Variants in GLB1 observed in about 807,000 individuals in gnomAD.
GLB1 encodes galactosidase beta 1, also known as beta-galactosidase.
GLB1 carries 56 observed loss-of-function variants against 74.0 expected under a neutral mutation model. The ratio of observed to expected loss-of-function variants is 0.76; its 90% CI spans 0.61 to 0.94. The LOEUF (loss-of-function observed/expected upper bound fraction) is 0.94. GLB1 is among the 40% of genes least tolerant of loss of function. The pLI is 0.00. For synonymous variants in GLB1, 323 were observed against 323.6 expected (o/e 1.00, Z 0.02); for missense variants, 787 against 845.5 (o/e 0.93, Z 0.86).
At chr3:33,068,795 T>C (rs1276546723) in intron 3 of GLB1, 25 bp downstream of exon 3, 1 of 1,613,048 alleles carries the variant, frequency 6.2e-7, no homozygotes, top group African/African-American at 1.3e-5. Context: ...ACACACCAGG[T>C]AGAGCCCAGT....
intron 5 of GLB1, among the ~76,000 whole-genome samples, chr3:33,059,258 C>T (rs879638032): frequency 2.1e-3 from 187 of 91,108 alleles, no homozygotes; most frequent in Admixed American, 6.4e-3. Context: ...CACACACACA[C>T]ACACACACAC....
At chr3:33,077,269 G>C in intron 1 of GLB1, 3 of 1,571,426 alleles carry the variant, frequency 1.9e-6, no homozygotes, top group Non-Finnish European at 2.6e-6. Context: ...ATTTGAAGGT[G>C]GCAGGGCAGG....
intron 15 of GLB1, among the ~76,000 whole-genome samples, chr3:33,009,564 G>A (rs966967685): frequency 6.6e-6 from 1 of 152,192 alleles, no homozygotes; most frequent in South Asian, 2.1e-4. Flanking sequence ...TGGTAGGCAT[G>A]AGAGTTTGGT....
chr3:33,018,215 G>A (rs576309878), intron 13 of GLB1, among the ~76,000 whole-genome samples: 7 of 144,132 alleles, frequency 4.9e-5, no homozygotes, highest in Admixed American at 2.9e-4. Context: ...GAGCCTGGGA[G>A]GTTGAGGCTG....
chr3:32,976,961 T>A, the GLB1 span, among the ~76,000 whole-genome samples: 1 of 152,144 alleles, frequency 6.6e-6, no homozygotes, highest in Non-Finnish European at 1.5e-5. Flanking sequence ...TCTTTAATGC[T>A]TCTGTAAAGT....
chr3:33,077,983 T>C (rs1401789239), intron 1 of GLB1, among the ~76,000 whole-genome samples: 1 of 152,180 alleles, frequency 6.6e-6, no homozygotes. Context: ...GCAATTTGTC[T>C]TTAAGTAGGG....
chr3:33,066,317 T>C (rs1214496627), intron 4 of GLB1, among the ~76,000 whole-genome samples: 3 of 152,310 alleles, frequency 2.0e-5, no homozygotes, highest in South Asian at 4.1e-4. Flanking sequence ...CATGGATTAA[T>C]AGATTAATAG....
chr3:33,049,898 T>G (rs1020160074), intron 9 of GLB1, among the ~76,000 whole-genome samples: 2 of 152,220 alleles, frequency 1.3e-5, no homozygotes, highest in Non-Finnish European at 2.9e-5. Context: ...TTGTAAGCGA[T>G]GTCTTCTCCT....
intron 1 of GLB1, among the ~76,000 whole-genome samples, chr3:33,089,702 C>A (rs1435790166): frequency 1.3e-5 from 2 of 152,112 alleles, no homozygotes; most frequent in African/African-American, 4.8e-5. Flanking sequence ...CTAAAGCAGT[C>A]AAATTCATAG....
chr3:33,001,109 C>T (rs7650438), intron 15 of GLB1, among the ~76,000 whole-genome samples: 140,497 of 152,010 alleles, frequency 0.92, 65,900 homozygotes, highest in East Asian at 1. Context: ...TCCACTACTT[C>T]TTGTTCTTTC....
At chr3:32,993,539 T>A (rs2125440907), downstream of GLB1, among the ~76,000 whole-genome samples, 1 of 136,892 alleles carries the variant, frequency 7.3e-6, no homozygotes, top group African/African-American at 2.7e-5. Flanking sequence ...TTTTTTTTTT[T>A]TTTTTTTTTT....
intron 1 of GLB1, chr3:33,092,308 T>C: frequency 1.0e-6 from 1 of 986,978 alleles, no homozygotes; most frequent in Non-Finnish European, 1.2e-6. Flanking sequence ...AAAGAAAATA[T>C]TCTTCTCTAG....
At chr3:33,078,416 A>G (rs895600232) in intron 1 of GLB1, among the ~76,000 whole-genome samples, 11 of 152,236 alleles carry the variant, frequency 7.2e-5, no homozygotes, top group African/African-American at 2.7e-4. Context: ...GCTCAATTTC[A>G]GCCTCAAAAA....
chr3:32,962,456 T>A, the GLB1 span, among the ~76,000 whole-genome samples: 5 of 152,170 alleles, frequency 3.3e-5, no homozygotes, highest in African/African-American at 1.2e-4. Context: ...TTCACCAGTT[T>A]TTTGGAAATC....
rs778623059 is a variant in GLB1, at chr3:33,053,467, A to T, written c.792+24T>A. ...CTTTTCTCTCTTAACAGCTGCAAAC[A>T]CACACCTCACCCTCGATTCTTACCA... On this transcript the variant is annotated intron_variant, in intron 7 of 15. Coordinates refer to ENST00000307363, the MANE Select transcript of GLB1 (RefSeq NM_000404.4). 14 of 1,614,078 alleles carry T rather than the reference A, an allele frequency of 8.7e-6. No homozygotes were observed. The East Asian group carries it at 3.1e-4, about 36-fold the overall frequency.
chr3:33,009,008 A>ACT (rs1696900341), intron 15 of GLB1, among the ~76,000 whole-genome samples: 2 of 152,060 alleles, frequency 1.3e-5, no homozygotes, highest in South Asian at 4.1e-4. Flanking sequence ...AATCCCAGCT[A>ACT]CATGGGAGGC....
At chr3:33,012,507 C>T (rs1166301735) in intron 15 of GLB1, among the ~76,000 whole-genome samples, 3 of 152,192 alleles carry the variant, frequency 2.0e-5, no homozygotes. Flanking sequence ...AGTAGACTCT[C>T]ACCAGACAGC....
At chr3:32,971,018 G>A in the GLB1 span, among the ~76,000 whole-genome samples, 3 of 152,162 alleles carry the variant, frequency 2.0e-5, no homozygotes, top group African/African-American at 7.2e-5. Context: ...ATCTGCAATG[G>A]TTTGACACAA....
chr3:33,079,093 C>G (rs1700231895), intron 1 of GLB1, among the ~76,000 whole-genome samples: 1 of 152,250 alleles, frequency 6.6e-6, no homozygotes, highest in South Asian at 2.1e-4. Flanking sequence ...TGGGTTCATA[C>G]TGCATGAACC....
Sources: gnomAD v4.1 joint callset for allele counts (sites outside exome capture counted in the v4.1 genomes callset) on GRCh38, gnomAD v4.1.1 for gene constraint, MANE v1.5 for transcripts, NCBI Gene and HGNC (gene_info 2026-07-23, HGNC 2026-07-21) for gene names.